Variants in EFHD1 observed in about 807,000 individuals in gnomAD.
EFHD1 encodes EF-hand domain-containing protein D1.
EFHD1 carries 10 observed loss-of-function variants against 17.2 expected under a neutral mutation model. The ratio of observed to expected loss-of-function variants is 0.58; its 90% CI spans 0.36 to 0.99. EFHD1 has a LOEUF of 0.99. EFHD1 is among the 50% of genes least tolerant of loss of function. EFHD1 has a pLI of 0.01. For missense variants in EFHD1, 310 were observed against 327.5 expected (o/e 0.95, Z 0.41); for synonymous variants, 153 against 142.0 (o/e 1.08, Z -0.55).
chr2:232,613,518 C>T (rs557178101), intron 1 of EFHD1, among the ~76,000 whole-genome samples: 2 of 152,080 alleles, frequency 1.3e-5, no homozygotes, highest in South Asian at 2.1e-4. Context: ...TGAAAACAAC[C>T]CCAATGCTCA....
At chr2:232,606,561 C>A (rs1310810899) in intron 1 of EFHD1, 10 of 328,070 alleles carry the variant, frequency 3.0e-5, no homozygotes, top group Non-Finnish European at 5.4e-5. Flanking sequence ...GGACCCTGAG[C>A]AGGTTCCTCA....
At chr2:232,661,067 G>C (rs1432969146) in intron 1 of EFHD1, among the ~76,000 whole-genome samples, 1 of 151,926 alleles carries the variant, frequency 6.6e-6, no homozygotes, top group Non-Finnish European at 1.5e-5. Context: ...AGAAACGCTT[G>C]AACCTGAGAG....
intron 3 of EFHD1, among the ~76,000 whole-genome samples, chr2:232,678,173 C>T (rs1198838673): frequency 1.3e-5 from 2 of 151,572 alleles, no homozygotes; most frequent in Non-Finnish European, 2.9e-5. Context: ...ATCCCAGCTA[C>T]TCGGGAGGCA....
At chr2:232,655,745 A>G (rs140481037) in intron 1 of EFHD1, among the ~76,000 whole-genome samples, 1,777 of 151,674 alleles carry the variant, frequency 0.012, 41 homozygotes, top group African/African-American at 0.041. Flanking sequence ...ATCTGAAGGC[A>G]GCTCTTTGCC....
At chr2:232,673,271 T>C (rs954771528) in intron 3 of EFHD1, among the ~76,000 whole-genome samples, 4 of 152,086 alleles carry the variant, frequency 2.6e-5, no homozygotes, top group Non-Finnish European at 5.9e-5. Context: ...CTCCATCCAT[T>C]GAGTATATAA....
chr2:232,620,324 G>T (rs1481817752), intron 1 of EFHD1, among the ~76,000 whole-genome samples: 1 of 150,714 alleles, frequency 6.6e-6, no homozygotes, highest in African/African-American at 2.4e-5. Flanking sequence ...GGAGGTGGAG[G>T]TTGCAGTGAG....
At chr2:232,648,296 GA>G (rs1424914910) in intron 1 of EFHD1, among the ~76,000 whole-genome samples, 1 of 152,108 alleles carries the variant, frequency 6.6e-6, no homozygotes, top group Non-Finnish European at 1.5e-5. Context: ...ATTGGATGAT[GA>G]AAACTTTGGG....
At chr2:232,657,320 T>C (rs35293211) in intron 1 of EFHD1, among the ~76,000 whole-genome samples, 9,130 of 152,258 alleles carry the variant, frequency 0.06, 291 homozygotes, top group South Asian at 0.11. Context: ...TACAATGAGG[T>C]GCCCTTTTTG....
upstream of EFHD1, chr2:232,633,394 G>A (rs990345349): frequency 2.7e-6 from 3 of 1,123,066 alleles, no homozygotes; most frequent in African/African-American, 3.2e-5. Flanking sequence ...GTCCCGGGGG[G>A]ACGGTCAGCC....
chr2:232,655,802 CTT>C (rs66762860), intron 1 of EFHD1, among the ~76,000 whole-genome samples: 78 of 133,302 alleles, frequency 5.9e-4, no homozygotes, highest in African/African-American at 1.7e-3. Flanking sequence ...TGTGTGGGGT[CTT>C]TTTTTTTTTT....
chr2:232,643,960 T>C (rs1322732790), intron 1 of EFHD1, among the ~76,000 whole-genome samples: 1 of 152,232 alleles, frequency 6.6e-6, no homozygotes, highest in Non-Finnish European at 1.5e-5. Flanking sequence ...TGCATAGGTC[T>C]TTCCTGTGGA....
upstream of EFHD1, among the ~76,000 whole-genome samples, chr2:232,629,164 G>A (rs1264329918): frequency 6.6e-6 from 1 of 152,220 alleles, no homozygotes; most frequent in Non-Finnish European, 1.5e-5. Flanking sequence ...TTGGACATCT[G>A]TGAGCAAAAT....
intron 1 of EFHD1, among the ~76,000 whole-genome samples, chr2:232,657,197 C>T (rs901131570): frequency 6.6e-6 from 1 of 152,208 alleles, no homozygotes; most frequent in Non-Finnish European, 1.5e-5. Flanking sequence ...TAAACTGAAA[C>T]TCTGTCCCCA....
At chr2:232,667,714 G>A (rs890220575) in intron 2 of EFHD1, among the ~76,000 whole-genome samples, 6 of 151,778 alleles carry the variant, frequency 4.0e-5, no homozygotes, top group African/African-American at 4.8e-5. Flanking sequence ...CACCACACCC[G>A]GCTAATTTTG....
chr2:232,648,116 C>A (rs1282622534), intron 1 of EFHD1, among the ~76,000 whole-genome samples: 1 of 152,128 alleles, frequency 6.6e-6, no homozygotes, highest in East Asian at 1.9e-4. Context: ...GAGGTACGTA[C>A]CTGTGGTCCC....
At position 232,662,958 on chromosome 2, in the gene EFHD1, C is replaced by T; in HGVS notation, c.450+9C>T. The T allele has an allele frequency of 6.4e-7, 1 of 1,571,380 alleles. No homozygotes were observed. Among genetic ancestry groups the T allele is most frequent in the Non-Finnish European group, 8.6e-7 (1 of 1,163,372 alleles). On this transcript the variant is annotated intron_variant, in intron 2 of 3. Transcript: ENST00000264059. ...AGCTCAGCTTCCGGGAGGTACCTGC[C>T]TGCTGTGGCCCTGAGCCCCTGTGGG...
intron 1 of EFHD1, among the ~76,000 whole-genome samples, chr2:232,617,372 C>T (rs1299744910): frequency 2.0e-5 from 3 of 152,038 alleles, no homozygotes; most frequent in East Asian, 1.9e-4. Context: ...GAATGCTGGC[C>T]GGGCGCAGTG....
At chr2:232,669,961 T>C (rs1026739871) in intron 2 of EFHD1, among the ~76,000 whole-genome samples, 1 of 152,202 alleles carries the variant, frequency 6.6e-6, no homozygotes, top group African/African-American at 2.4e-5. Flanking sequence ...AATTTTCCTG[T>C]GGGTGCATAC....
intron 1 of EFHD1, among the ~76,000 whole-genome samples, chr2:232,626,922 T>C (rs949519084): frequency 1.7e-4 from 25 of 151,348 alleles, no homozygotes; most frequent in African/African-American, 5.6e-4. Context: ...ATGATGGCTC[T>C]TGCCTGTAAT....
Sources: gnomAD v4.1 joint callset for allele counts (sites outside exome capture counted in the v4.1 genomes callset) on GRCh38, gnomAD v4.1.1 for gene constraint, MANE v1.5 for transcripts, NCBI Gene and HGNC (gene_info 2026-07-23, HGNC 2026-07-21) for gene names.